ERC2: variants seen among roughly 807,000 people sequenced by gnomAD.
ERC2 encodes the protein ELKS/RAB6-interacting/CAST family member 2.
A neutral mutation model predicts 114.8 loss-of-function variants in ERC2; 42 were observed. That is an observed-to-expected ratio of 0.37 (90% CI 0.29 to 0.47). The LOEUF (loss-of-function observed/expected upper bound fraction) is 0.47. Among genes scored for constraint, ERC2 ranks in the 20% least tolerant of loss-of-function variants. The pLI, the probability that ERC2 is intolerant of heterozygous loss-of-function variation, is 0.99. For missense variants in ERC2, 939 were observed against 1,150.7 expected (o/e 0.82, Z 2.66); for synonymous variants, 454 against 425.5 (o/e 1.07, Z -0.82).
At chr3:55,680,624 ATGTGTGAGTGTGGGGTT>A (rs1481624410) in intron 17 of ERC2, among the ~76,000 whole-genome samples, 1 of 152,186 alleles carries the variant, frequency 6.6e-6, no homozygotes, top group Non-Finnish European at 1.5e-5. Context: ...AATTGAAAGT[ATGTGTGAGTGTGGGGTT>A]TGGGGGGTTG....
chr3:56,223,641 C>A (rs905208331), intron 3 of ERC2, among the ~76,000 whole-genome samples: 26 of 151,922 alleles, frequency 1.7e-4, no homozygotes, highest in African/African-American at 6.0e-4. Flanking sequence ...TTTTTAAAAT[C>A]CCTGCTTCTT....
intron 7 of ERC2, among the ~76,000 whole-genome samples, chr3:56,070,642 T>C (rs2076693723): frequency 6.6e-6 from 1 of 152,172 alleles, no homozygotes; most frequent in South Asian, 2.1e-4. Flanking sequence ...TAAATAACAC[T>C]GATAATTGTT....
At chr3:55,909,006 C>A (rs2064638119) in intron 13 of ERC2, among the ~76,000 whole-genome samples, 1 of 152,220 alleles carries the variant, frequency 6.6e-6, no homozygotes, top group African/African-American at 2.4e-5. Flanking sequence ...CTCTGGCCCA[C>A]TTACCGGACA....
chr3:56,118,733 T>A (rs1404417149), intron 6 of ERC2, among the ~76,000 whole-genome samples: 4 of 149,564 alleles, frequency 2.7e-5, no homozygotes, highest in Non-Finnish European at 4.4e-5. Context: ...GCCTCCCGGG[T>A]TCACGCCATT....
chr3:56,212,256 C>G (rs1261043049), intron 3 of ERC2, among the ~76,000 whole-genome samples: 10 of 151,888 alleles, frequency 6.6e-5, no homozygotes, highest in Non-Finnish European at 1.3e-4. Flanking sequence ...TACAAATCAG[C>G]AGGAAAAAAC....
intron 2 of ERC2, among the ~76,000 whole-genome samples, chr3:56,359,928 CT>C (rs1188718503): frequency 6.6e-6 from 1 of 152,162 alleles, no homozygotes; most frequent in African/African-American, 2.4e-5. Context: ...CCTCCACAAT[CT>C]AAACACCTCC....
chr3:55,761,690 T>C (rs1266562642), intron 14 of ERC2, among the ~76,000 whole-genome samples: 1 of 152,032 alleles, frequency 6.6e-6, no homozygotes, highest in Non-Finnish European at 1.5e-5. Flanking sequence ...GGTGATTGGA[T>C]CATGAGGGAC....
intron 17 of ERC2, among the ~76,000 whole-genome samples, chr3:55,600,291 A>G: frequency 6.6e-6 from 1 of 152,232 alleles, no homozygotes; most frequent in East Asian, 1.9e-4. Flanking sequence ...AAAAGGGCTT[A>G]CCAGAAAAAT....
intron 6 of ERC2, among the ~76,000 whole-genome samples, chr3:56,099,590 G>A (rs1026554725): frequency 6.6e-5 from 10 of 152,100 alleles, no homozygotes; most frequent in African/African-American, 1.7e-4. Flanking sequence ...CAATAGAGCC[G>A]GAGGGGAAGT....
Position 55,724,679 on chromosome 3 carries a change from T to C in ERC2, c.2712+10092A>G, listed in dbSNP as rs934426301. Among the ~76,000 whole-genome samples the C allele has an allele frequency of 3.3e-5, 5 of 152,124 alleles. No individual in the cohort carries two copies. The East Asian group carries it at 7.7e-4, about 23-fold the overall frequency. ...TGTTGGTTCCTCACATTCTAAAATG[T>C]GAATAGAAAAACAATGATGAAAAGC... On this transcript the variant is annotated intron_variant, in intron 15 of 17. Coordinates refer to ENST00000288221, the MANE Select transcript of ERC2 (RefSeq NM_015576.3).
At chr3:56,429,357 A>G (rs1298940331) in intron 2 of ERC2, among the ~76,000 whole-genome samples, 1 of 152,182 alleles carries the variant, frequency 6.6e-6, no homozygotes, top group African/African-American at 2.4e-5. Context: ...GCAGCAGAAC[A>G]TCCTTTCTCA....
At chr3:55,898,880 A>G (rs1274761251) in intron 13 of ERC2, among the ~76,000 whole-genome samples, 2 of 152,196 alleles carry the variant, frequency 1.3e-5, no homozygotes, top group African/African-American at 2.4e-5. Context: ...TTCCAAACAT[A>G]AAGATGAAGG....
intron 6 of ERC2, among the ~76,000 whole-genome samples, chr3:56,123,255 G>A (rs1319327772): frequency 1.3e-5 from 2 of 152,060 alleles, no homozygotes; most frequent in East Asian, 1.9e-4. Flanking sequence ...AGGTAATTAG[G>A]TCATGAGAGT....
intron 12 of ERC2, among the ~76,000 whole-genome samples, chr3:55,969,369 G>T (rs1391338417): frequency 3.4e-5 from 5 of 148,706 alleles, no homozygotes; most frequent in African/African-American, 1.2e-4. Flanking sequence ...CTGGAAAGTC[G>T]CTGGTCAGGA....
Position 56,049,818 on chromosome 3 carries a change from A to ATGTG in ERC2, c.1642-30791_1642-30788dup, listed in dbSNP as rs3052672. Among the ~76,000 whole-genome samples, 1,105 of 145,288 alleles carry ATGTG rather than the reference A, an allele frequency of 7.6e-3. 12 individuals carry two copies. Among genetic ancestry groups the ATGTG allele is most frequent in the African/African-American group, 0.026 (1,009 of 38,900 alleles). On this transcript the variant is annotated intron_variant, in intron 7 of 17. Coordinates refer to ENST00000288221, the MANE Select transcript of ERC2 (RefSeq NM_015576.3). ...GCTACTTAATAAACTCCCATCATAT[A>ATGTG]TGTGTGTGTGTGTGTGTGTGTGTGT...
At chr3:56,205,759 C>T (rs2048687725) in intron 3 of ERC2, among the ~76,000 whole-genome samples, 1 of 152,156 alleles carries the variant, frequency 6.6e-6, no homozygotes, top group South Asian at 2.1e-4. Context: ...GAGCACTGGG[C>T]AGCAAATCCC....
intron 2 of ERC2, among the ~76,000 whole-genome samples, chr3:56,404,077 G>A (rs2060620235): frequency 6.6e-6 from 1 of 152,200 alleles, no homozygotes; most frequent in Admixed American, 6.5e-5. Flanking sequence ...AAGTACCACA[G>A]ACTTTTGCAC....
rs190995687 is a variant in ERC2, at chr3:56,446,257, C to T, written c.-140-11110G>A. ...ATAGCTCCACCAGACTTAGAGTTCC[C>T]AGAAATTAAATAATTACTTCAAGAT... On this transcript the variant is annotated intron_variant, in intron 1 of 17. Coordinates refer to ENST00000288221, the MANE Select transcript of ERC2 (RefSeq NM_015576.3). 4.8e-4 allele frequency among the ~76,000 whole-genome samples: 73 copies of T among 152,278 alleles called. 2 individuals carry two copies. The East Asian group carries it at 0.014, about 29-fold the overall frequency.
intron 2 of ERC2, among the ~76,000 whole-genome samples, chr3:56,331,206 C>T (rs1304261575): frequency 1.3e-5 from 2 of 152,160 alleles, no homozygotes; most frequent in African/African-American, 4.8e-5. Flanking sequence ...GAGAGAATCC[C>T]CTACCCTTGA....
Sources: allele counts gnomAD v4.1 joint callset (sites outside exome capture counted in the v4.1 genomes callset), GRCh38; gene constraint gnomAD v4.1.1; transcripts MANE v1.5; gene names NCBI Gene and HGNC (gene_info 2026-07-23, HGNC 2026-07-21).